RPH3A: variants seen among roughly 807,000 people sequenced by gnomAD.
RPH3A encodes the protein rabphilin-3A.
A neutral mutation model predicts 102.2 loss-of-function variants in RPH3A; 48 were observed. That is an observed-to-expected ratio of 0.47 (90% CI 0.37 to 0.60). The LOEUF is 0.60. RPH3A is among the 20% of genes least tolerant of loss of function. The pLI is 0.00. For missense variants in RPH3A, 781 were observed against 910.1 expected, an observed-to-expected ratio of 0.86 and a Z score of 1.83; for synonymous variants, 310 against 324.3, an observed-to-expected ratio of 0.96 and a Z score of 0.47.
chr12:112,621,927 G>A (rs1325124438), intron 1 of RPH3A, among the ~76,000 whole-genome samples: 2 of 150,632 alleles, frequency 1.3e-5, no homozygotes, highest in Non-Finnish European at 3.0e-5. Flanking sequence ...CTAACTGGGA[G>A]GCACCCCCCA....
At chr12:112,621,204 G>T (rs1202507573) in intron 1 of RPH3A, among the ~76,000 whole-genome samples, 1 of 152,058 alleles carries the variant, frequency 6.6e-6, no homozygotes, top group Non-Finnish European at 1.5e-5. Context: ...GGTTGGAGGA[G>T]CCAAGATGGC....
intron 1 of RPH3A, among the ~76,000 whole-genome samples, chr12:112,776,924 C>A (rs1372282191): frequency 3.6e-5 from 5 of 137,948 alleles, no homozygotes; most frequent in African/African-American, 1.3e-4. Context: ...AAGTGCAAGG[C>A]CTCTTAAAGT....
chr12:112,875,110 G>A lies in RPH3A; in HGVS notation c.823G>A (p.Ala275Thr), dbSNP rs777308258. Reference protein sequence around the residue: ...AGLRRANSVQASRPAPGSVQS... With the variant: ...AGLRRANSVQTSRPAPGSVQS... Reference sequence around the variant, plus strand: ...TTTGAGACGGGCCAACTCAGTCCAGGCCTCCAGACCTGCCCCAGGCTCGGT... The same window carrying A: ...TTTGAGACGGGCCAACTCAGTCCAGACCTCCAGACCTGCCCCAGGCTCGGT... The change falls in exon 11 of 22, where the codon GCC (alanine) becomes ACC (threonine). Residue 275 changes from alanine to threonine, a missense_variant. This residue lies in a region of RPH3A where 730 missense variants were observed against 810.0 expected (regional missense o/e 0.90). Coordinates refer to ENST00000389385, the MANE Select transcript of RPH3A (RefSeq NM_001143854.2). 1.9e-6 allele frequency: 3 copies of A among 1,609,820 alleles called. No individual in the cohort carries two copies. Among genetic ancestry groups the A allele is most frequent in the Non-Finnish European group, 2.5e-6 (3 of 1,178,634 alleles).
At chr12:112,617,921 A>G (rs2039694077) in intron 1 of RPH3A, 1 of 152,210 alleles carries the variant, frequency 6.6e-6, no homozygotes, top group African/African-American at 2.4e-5. Flanking sequence ...ATTGTGATAA[A>G]TCTAAATAAG....
In RPH3A at chr12:112,879,625, C is replaced by T. The variant is rs544187871; in HGVS notation, c.1251+427C>T. 3.1e-4 allele frequency among the ~76,000 whole-genome samples: 47 copies of T among 152,300 alleles called. 1 individual carries two copies. The South Asian group carries it at 5.4e-3, about 17-fold the overall frequency. ...GCGGCTGTCACTCTGAAGCAGCAGC[C>T]GAGACACAGGGACACTAATATGGGC... On this transcript the variant is annotated intron_variant, in intron 14 of 21. Transcript: ENST00000389385.
intron 1 of RPH3A, among the ~76,000 whole-genome samples, chr12:112,579,203 A>C (rs1469079512): frequency 6.6e-6 from 1 of 152,166 alleles, no homozygotes; most frequent in Admixed American, 6.5e-5. Context: ...CCACTGTCAA[A>C]TAGGTCGCAC....
intron 11 of RPH3A, 61 bp downstream of exon 11, chr12:112,875,231 C>T: frequency 1.0e-5 from 13 of 1,287,160 alleles, no homozygotes; most frequent in Non-Finnish European, 1.4e-5. Context: ...ACCCTCATAC[C>T]TCCCATCCCT....
At chr12:112,810,491 C>A (rs923314351) in intron 2 of RPH3A, among the ~76,000 whole-genome samples, 5 of 152,218 alleles carry the variant, frequency 3.3e-5, no homozygotes, top group Non-Finnish European at 5.9e-5. Context: ...GCTAGATGAT[C>A]CCTGTAAGTT....
chr12:112,821,803 CTTTG>C (rs1046099107), intron 2 of RPH3A, among the ~76,000 whole-genome samples: 1 of 152,134 alleles, frequency 6.6e-6, no homozygotes, highest in African/African-American at 2.4e-5. Flanking sequence ...TAATTTTTGT[CTTTG>C]TTTGTTTTAA....
chr12:112,716,472 T>A (rs1279344469), intron 1 of RPH3A, among the ~76,000 whole-genome samples: 4 of 152,258 alleles, frequency 2.6e-5, no homozygotes, highest in African/African-American at 9.6e-5. Context: ...TTCTTTCTCA[T>A]GTAATAGTCT....
chr12:112,669,063 A>G (rs997592762), intron 1 of RPH3A, among the ~76,000 whole-genome samples: 7 of 152,202 alleles, frequency 4.6e-5, no homozygotes, highest in Non-Finnish European at 7.3e-5. Context: ...CAATACATCA[A>G]TGATAACCAG....
chr12:112,880,184 G>T (rs770090035), intron 14 of RPH3A, among the ~76,000 whole-genome samples: 1 of 151,994 alleles, frequency 6.6e-6, no homozygotes, highest in Non-Finnish European at 1.5e-5. Context: ...GCATTTATTG[G>T]ACATCTATTA....
At chr12:112,584,979 G>A (rs1053480603) in intron 1 of RPH3A, among the ~76,000 whole-genome samples, 31 of 152,190 alleles carry the variant, frequency 2.0e-4, no homozygotes, top group African/African-American at 6.3e-4. Flanking sequence ...AACCTCAAAA[G>A]TAGGAAAGCC....
chr12:112,754,210 G>A (rs896012299), intron 1 of RPH3A, among the ~76,000 whole-genome samples: 1 of 152,152 alleles, frequency 6.6e-6, no homozygotes, highest in Non-Finnish European at 1.5e-5. Context: ...TTACTGCTGT[G>A]TGATTCTAGA....
At chr12:112,621,670 A>G (rs201762436) in intron 1 of RPH3A, among the ~76,000 whole-genome samples, 8,973 of 151,808 alleles carry the variant, frequency 0.059, 558 homozygotes, top group African/African-American at 0.16. Flanking sequence ...TAGGTAAACA[A>G]AGCAGCCAGG....
intron 13 of RPH3A, among the ~76,000 whole-genome samples, chr12:112,877,849 G>A (rs979787183): frequency 6.6e-6 from 1 of 152,250 alleles, no homozygotes; most frequent in Non-Finnish European, 1.5e-5. Context: ...AAGTCCACAC[G>A]TGTTGGGCAC....
chr12:112,779,471 C>T (rs1305373268), intron 1 of RPH3A, among the ~76,000 whole-genome samples: 1 of 152,162 alleles, frequency 6.6e-6, no homozygotes, highest in African/African-American at 2.4e-5. Flanking sequence ...TGCGGGTCTG[C>T]AAAGTACTTT....
intron 1 of RPH3A, among the ~76,000 whole-genome samples, chr12:112,673,595 A>G (rs1452527027): frequency 1.3e-5 from 2 of 152,150 alleles, no homozygotes; most frequent in Admixed American, 1.3e-4. Context: ...GGTACATGAG[A>G]TGTTTTGATA....
chr12:112,768,956 C>A (rs1805770519), intron 1 of RPH3A, among the ~76,000 whole-genome samples: 1 of 152,098 alleles, frequency 6.6e-6, no homozygotes, highest in African/African-American at 2.4e-5. Flanking sequence ...AACCTTCCTA[C>A]TCTAGTACAC....
Sources: gnomAD v4.1 joint callset for allele counts (sites outside exome capture counted in the v4.1 genomes callset) on GRCh38, gnomAD v4.1.1 for gene constraint, gnomAD v4.1.1 regional missense constraint, MANE v1.5 for transcripts, NCBI Gene and HGNC (gene_info 2026-07-23, HGNC 2026-07-21) for gene names.